Variants in PCDH15 observed in about 807,000 individuals in gnomAD.
PCDH15 encodes protocadherin-15.
A neutral mutation model predicts 178.5 loss-of-function variants in PCDH15; 129 were observed. That is an observed-to-expected ratio of 0.72 (90% CI 0.63 to 0.84). The LOEUF (loss-of-function observed/expected upper bound fraction) is 0.84, where lower values mean the gene tolerates loss of function less well. PCDH15 is among the 40% of genes least tolerant of loss of function. The probability of loss-of-function intolerance (pLI) is 0.00; values close to 1 mark genes in which losing one functional copy is unlikely to be tolerated. For missense variants in PCDH15, 2,230 were observed against 2,099.9 expected, an observed-to-expected ratio of 1.06 and a Z score of -1.21; for synonymous variants, 800 against 732.0, an observed-to-expected ratio of 1.09 and a Z score of -1.50.
At chr10:54,136,295 T>G (rs72797050) in intron 14 of PCDH15, among the ~76,000 whole-genome samples, 4,489 of 152,240 alleles carry the variant, frequency 0.029, 86 homozygotes, top group Middle Eastern at 0.082. Context: ...GTACAATATG[T>G]AGACTCACCT....
At position 54,074,445 on chromosome 10, in the gene PCDH15, T is replaced by A. The variant is rs190576052; in HGVS notation, c.2091+4886A>T. On this transcript the variant is annotated intron_variant, in intron 17 of 37. Transcript: ENST00000644397. ...AAAATATAAGTGGAATCATATGGAA[T>A]TTAACATTTTGTGACTGGCTAATCT... Among the ~76,000 whole-genome samples, 287 of 152,306 alleles carry A rather than the reference T, an allele frequency of 1.9e-3. 1 individual carries two copies. Among genetic ancestry groups the A allele is most frequent in the African/African-American group, 6.1e-3 (253 of 41,562 alleles).
At chr10:54,271,257 C>T (rs2058030142) in intron 8 of PCDH15, among the ~76,000 whole-genome samples, 1 of 152,092 alleles carries the variant, frequency 6.6e-6, no homozygotes, top group Non-Finnish European at 1.5e-5. Flanking sequence ...GTCACCTAGG[C>T]TGAAGTACAA....
intron 2 of PCDH15, among the ~76,000 whole-genome samples, chr10:54,555,924 T>C (rs1257232799): frequency 6.9e-6 from 1 of 144,290 alleles, no homozygotes; most frequent in Non-Finnish European, 1.5e-5. Context: ...CATTTCTCAC[T>C]GACCCATTTA....
At chr10:54,315,422 G>C (rs754663828) in intron 8 of PCDH15, among the ~76,000 whole-genome samples, 2 of 152,042 alleles carry the variant, frequency 1.3e-5, no homozygotes, top group Non-Finnish European at 2.9e-5. Flanking sequence ...ATAGATGCTG[G>C]ATATTAGACC....
intron 1 of PCDH15, among the ~76,000 whole-genome samples, chr10:55,186,920 T>C (rs1839815044): frequency 6.6e-6 from 1 of 151,928 alleles, no homozygotes; most frequent in South Asian, 2.1e-4. Context: ...TCATTCTTTA[T>C]ATCAGTATAG....
chr10:54,875,192 G>A (rs1008444327), intron 3 of PCDH15, among the ~76,000 whole-genome samples: 2 of 152,098 alleles, frequency 1.3e-5, no homozygotes, highest in African/African-American at 4.8e-5. Flanking sequence ...GATTACATGT[G>A]TTATGGTTAT....
At chr10:54,135,552 G>C (rs1426593687) in intron 14 of PCDH15, among the ~76,000 whole-genome samples, 1 of 152,174 alleles carries the variant, frequency 6.6e-6, no homozygotes, top group Non-Finnish European at 1.5e-5. Context: ...TCCAGGTGGT[G>C]ATCTGACTCC....
intron 2 of PCDH15, among the ~76,000 whole-genome samples, chr10:54,641,582 C>CCACACACA (rs57194998): frequency 5.7e-4 from 85 of 148,774 alleles, no homozygotes; most frequent in African/African-American, 1.7e-3. Flanking sequence ...TATGCAAACA[C>CCACACACA]CACACACACA....
chr10:54,738,678 C>A (rs1387736156), intron 1 of PCDH15, among the ~76,000 whole-genome samples: 1 of 151,934 alleles, frequency 6.6e-6, no homozygotes, highest in East Asian at 1.9e-4. Context: ...AAACTGAATT[C>A]AACAACACAA....
intron 2 of PCDH15, among the ~76,000 whole-genome samples, chr10:55,507,420 C>A (rs1014924702): frequency 6.6e-6 from 1 of 151,116 alleles, no homozygotes; most frequent in African/African-American, 2.4e-5. Flanking sequence ...TAGCTGAGTG[C>A]AGATATGTTT....
In PCDH15 at chr10:55,281,881, ACT is replaced by A. The variant is rs79252960; in HGVS notation, c.-156+37716_-156+37717del. Among the ~76,000 whole-genome samples the A allele has an allele frequency of 6.9e-3, 1,051 of 152,110 alleles. 89 individuals carry two copies. The East Asian group carries it at 0.18, about 26-fold the overall frequency. ...TCCTTATACTTTCTCTCCTTCTAAA[ACT>A]TTTCTAAGTTCTATGATTTTGCTCC... On this transcript the variant is annotated intron_variant, in intron 1 of 5. Transcript: ENST00000458638.
chr10:54,219,274 C>CAA (rs995053736), intron 9 of PCDH15, among the ~76,000 whole-genome samples: 471 of 45,144 alleles, frequency 0.01, 10 homozygotes, highest in African/African-American at 0.036. Context: ...GACTTTGTCT[C>CAA]AAAAAAAAAA....
chr10:54,103,708 T>C (rs1392692693), intron 15 of PCDH15, among the ~76,000 whole-genome samples: 4 of 152,200 alleles, frequency 2.6e-5, no homozygotes, highest in Non-Finnish European at 5.9e-5. Flanking sequence ...GAGTTGGCTC[T>C]CTTTTAATCC....
chr10:55,207,498 A>G (rs1840433975), intron 1 of PCDH15, among the ~76,000 whole-genome samples: 1 of 152,150 alleles, frequency 6.6e-6, no homozygotes, highest in Non-Finnish European at 1.5e-5. Context: ...TGGCCCAAGT[A>G]GTCTTAATGC....
At chr10:55,080,445 A>G (rs1397940787) in intron 2 of PCDH15, among the ~76,000 whole-genome samples, 1 of 152,096 alleles carries the variant, frequency 6.6e-6, no homozygotes, top group African/African-American at 2.4e-5. Flanking sequence ...CCCAAGAAAC[A>G]AGTACCTGGT....
At chr10:55,450,018 A>C (rs1389202000) in intron 2 of PCDH15, among the ~76,000 whole-genome samples, 1 of 152,056 alleles carries the variant, frequency 6.6e-6, no homozygotes, top group East Asian at 1.9e-4. Context: ...ACGCATTAAA[A>C]CATGGCTTAA....
intron 2 of PCDH15, among the ~76,000 whole-genome samples, chr10:54,995,372 A>G (rs192834611): frequency 1.1e-4 from 15 of 139,802 alleles, no homozygotes; most frequent in Admixed American, 4.4e-4. Context: ...CGAGACTACG[A>G]CAGAGCGAGA....
At chr10:53,891,836 G>A (rs2133491063) in intron 26 of PCDH15, among the ~76,000 whole-genome samples, 1 of 151,560 alleles carries the variant, frequency 6.6e-6, no homozygotes, top group Middle Eastern at 3.4e-3. Context: ...GCTGGGTGTG[G>A]CTTTCACCTG....
chr10:53,946,514 C>T (rs1412302591), intron 23 of PCDH15, among the ~76,000 whole-genome samples: 2 of 152,122 alleles, frequency 1.3e-5, no homozygotes, highest in Non-Finnish European at 2.9e-5. Context: ...GGCCTCTTTC[C>T]TTATCAATAT....
Sources: gnomAD v4.1 joint callset for allele counts (sites outside exome capture counted in the v4.1 genomes callset) on GRCh38, gnomAD v4.1.1 for gene constraint, MANE v1.5 for transcripts, NCBI Gene and HGNC (gene_info 2026-07-23, HGNC 2026-07-21) for gene names.